Variants in SEMA6D observed in about 807,000 individuals in gnomAD.
The protein encoded by SEMA6D is semaphorin-6D.
In SEMA6D, 35 loss-of-function variants were observed where a neutral mutation model predicts 106.6. The observed-to-expected ratio is 0.33, with a 90% confidence interval of 0.25 to 0.44. SEMA6D has a LOEUF of 0.44. SEMA6D is among the 20% of genes least tolerant of loss of function. SEMA6D has a pLI of 1.00. For synonymous variants in SEMA6D, 499 were observed against 487.7 expected, an observed-to-expected ratio of 1.02 and a Z score of -0.31; for missense variants, 1,185 against 1,345.9, an observed-to-expected ratio of 0.88 and a Z score of 1.87.
At chr15:47,667,771 C>G (rs934288720) in intron 4 of SEMA6D, among the ~76,000 whole-genome samples, 3 of 152,088 alleles carry the variant, frequency 2.0e-5, no homozygotes, top group Admixed American at 6.6e-5. Context: ...CTCCAAATAC[C>G]AGCCCATTAA....
At chr15:47,268,002 C>A (rs1291706096) in intron 1 of SEMA6D, among the ~76,000 whole-genome samples, 3 of 152,096 alleles carry the variant, frequency 2.0e-5, no homozygotes, top group African/African-American at 7.2e-5. Flanking sequence ...ATAGTGCAGT[C>A]TTCAAACCAG....
chr15:47,463,040 T>A (rs73407059), intron 2 of SEMA6D, among the ~76,000 whole-genome samples: 1 of 151,924 alleles, frequency 6.6e-6, no homozygotes, highest in East Asian at 1.9e-4. Flanking sequence ...AAGGACTTTT[T>A]AAAAAAAATG....
intron 4 of SEMA6D, among the ~76,000 whole-genome samples, chr15:47,689,598 G>C (rs2078541400): frequency 6.6e-6 from 1 of 152,180 alleles, no homozygotes; most frequent in Admixed American, 6.5e-5. Flanking sequence ...ATGAGGAAGG[G>C]CCTCTACTTC....
chr15:47,541,641 C>T (rs1217912119), intron 3 of SEMA6D, among the ~76,000 whole-genome samples: 1 of 152,140 alleles, frequency 6.6e-6, no homozygotes, highest in Admixed American at 6.6e-5. Flanking sequence ...TTCCCCTTTG[C>T]AAAATACCAT....
At chr15:47,755,162 G>A (rs2081645051) in intron 1 of SEMA6D, among the ~76,000 whole-genome samples, 1 of 151,958 alleles carries the variant, frequency 6.6e-6, no homozygotes, top group Non-Finnish European at 1.5e-5. Flanking sequence ...ATGTTGGTCA[G>A]GCTGGTCTCA....
intron 4 of SEMA6D, among the ~76,000 whole-genome samples, chr15:47,601,292 G>T (rs1322532050): frequency 6.6e-6 from 1 of 152,090 alleles, no homozygotes; most frequent in East Asian, 1.9e-4. Context: ...AAAGCAAAGT[G>T]CCCCCAGCAC....
At chr15:47,510,054 A>G (rs1262769847) in intron 3 of SEMA6D, among the ~76,000 whole-genome samples, 2 of 152,152 alleles carry the variant, frequency 1.3e-5, no homozygotes, top group Non-Finnish European at 2.9e-5. Context: ...AAATGCTTTT[A>G]AGACTGAGAT....
intron 3 of SEMA6D, among the ~76,000 whole-genome samples, chr15:47,580,405 C>T (rs962941693): frequency 2.6e-5 from 4 of 152,186 alleles, no homozygotes; most frequent in African/African-American, 9.6e-5. Flanking sequence ...TCTCCCATGA[C>T]TAGCAAGGTG....
intron 1 of SEMA6D, among the ~76,000 whole-genome samples, chr15:47,212,246 G>A (rs552950197): frequency 1.4e-4 from 22 of 152,290 alleles, no homozygotes; most frequent in African/African-American, 5.3e-4. Flanking sequence ...TTGAAATGAT[G>A]ACTTATGACA....
At chr15:47,552,798 A>T (rs1349816123) in intron 3 of SEMA6D, among the ~76,000 whole-genome samples, 1 of 49,768 alleles carries the variant, frequency 2.0e-5, no homozygotes, top group Non-Finnish European at 3.1e-5. Context: ...ATTTTTATAT[A>T]TATATAAAAA....
intron 1 of SEMA6D, among the ~76,000 whole-genome samples, chr15:47,196,932 G>C (rs908287132): frequency 6.6e-6 from 1 of 152,126 alleles, no homozygotes; most frequent in Admixed American, 6.5e-5. Context: ...AGAATTTTGA[G>C]TAACTGGGAA....
chr15:47,311,124 C>G (rs1365301196), intron 1 of SEMA6D, among the ~76,000 whole-genome samples: 1 of 152,208 alleles, frequency 6.6e-6, no homozygotes, highest in African/African-American at 2.4e-5. Context: ...GAACGTGAGA[C>G]AGATCAACCC....
chr15:47,763,749 G>A, intron 9 of SEMA6D, 101 bp from the exon 10 acceptor site: 4 of 1,006,234 alleles, frequency 4.0e-6, no homozygotes, highest in Non-Finnish European at 6.3e-6. Context: ...TGAACCAGAT[G>A]TATCTTTAGT....
chr15:47,658,035 C>A (rs1408042958), intron 4 of SEMA6D, among the ~76,000 whole-genome samples: 1 of 151,758 alleles, frequency 6.6e-6, no homozygotes, highest in Non-Finnish European at 1.5e-5. Context: ...CCACCACGCC[C>A]AGCAGGGCTT....
At chr15:47,199,073 G>A (rs560656464) in intron 1 of SEMA6D, among the ~76,000 whole-genome samples, 39 of 152,206 alleles carry the variant, frequency 2.6e-4, no homozygotes, top group Non-Finnish European at 4.6e-4. Context: ...AAGTAATTGG[G>A]CTTTAAGATC....
At chr15:47,767,702 G>C (rs2082417981) in intron 17 of SEMA6D, among the ~76,000 whole-genome samples, 2 of 152,132 alleles carry the variant, frequency 1.3e-5, no homozygotes, top group South Asian at 4.1e-4. Flanking sequence ...TGTTGCACCA[G>C]TCAGAATTGT....
intron 1 of SEMA6D, among the ~76,000 whole-genome samples, chr15:47,234,799 C>A (rs1017934557): frequency 7.9e-5 from 12 of 152,044 alleles, no homozygotes; most frequent in Non-Finnish European, 1.5e-4. Context: ...AATTGTGCTG[C>A]CATAAACATT....
chr15:47,498,986 ACCC>A (rs1314539249), intron 3 of SEMA6D, among the ~76,000 whole-genome samples: 1 of 152,130 alleles, frequency 6.6e-6, no homozygotes, highest in Non-Finnish European at 1.5e-5. Context: ...CTCTTAAGTA[ACCC>A]AGTGGAGACC....
At chr15:47,493,294 G>A (rs1462506476) in intron 3 of SEMA6D, among the ~76,000 whole-genome samples, 1 of 152,174 alleles carries the variant, frequency 6.6e-6, no homozygotes, top group Non-Finnish European at 1.5e-5. Flanking sequence ...CACCTCTGTG[G>A]AGAAACACAC....
Sources: allele counts gnomAD v4.1 joint callset (sites outside exome capture counted in the v4.1 genomes callset), GRCh38; gene constraint gnomAD v4.1.1; transcripts MANE v1.5; gene names NCBI Gene and HGNC (gene_info 2026-07-23, HGNC 2026-07-21).